Variants in MGAT5B observed in about 807,000 individuals in gnomAD.
MGAT5B encodes N-acetylglucosaminyl-transferase Vb.
In MGAT5B, 54 loss-of-function variants were observed where a neutral mutation model predicts 95.1. That is an observed-to-expected ratio of 0.57 (90% CI 0.46 to 0.71). The LOEUF is 0.71. MGAT5B is among the 30% of genes least tolerant of loss of function. The probability of loss-of-function intolerance (pLI) is 0.00; values close to 1 mark genes in which losing one functional copy is unlikely to be tolerated. For synonymous variants in MGAT5B, 464 were observed against 451.0 expected, an observed-to-expected ratio of 1.03 and a Z score of -0.36; for missense variants, 935 against 1,088.6, an observed-to-expected ratio of 0.86 and a Z score of 1.99.
chr17:76,931,990 T>C (rs569774643), intron 10 of MGAT5B, among the ~76,000 whole-genome samples: 112 of 152,162 alleles, frequency 7.4e-4, no homozygotes, highest in Non-Finnish European at 1.2e-3. Flanking sequence ...CTGCTGCTAC[T>C]GCTGGTGGTG....
At position 76,930,117 on chromosome 17, in the gene MGAT5B, C is replaced by G. The variant is rs1382594147; in HGVS notation, c.1292-2528C>G. Among the ~76,000 whole-genome samples, 1 of 152,118 alleles carries G rather than the reference C, an allele frequency of 6.6e-6. No homozygotes were observed. The highest frequency in any genetic ancestry group is 1.9e-4 in the East Asian group (1 of 5,174). ...GGGAGAGCTGTCCTGACCCTGACCA[C>G]CCACAGAAAGAACTCCAGGCTTCCA... On this transcript the variant is annotated intron_variant, in intron 10 of 17. Coordinates refer to ENST00000569840, the MANE Select transcript of MGAT5B (RefSeq NM_001199172.2). The surrounding 1 kb of genome is among the most constrained non-coding windows in gnomAD (Gnocchi z 4.1).
intron 9 of MGAT5B, among the ~76,000 whole-genome samples, chr17:76,925,759 A>G (rs1214728756): frequency 6.6e-6 from 1 of 152,150 alleles, no homozygotes; most frequent in Non-Finnish European, 1.5e-5. Flanking sequence ...TGCCAACCTC[A>G]GCACTCTGCA....
At chr17:76,901,324 T>C (rs922062048) in intron 3 of MGAT5B, among the ~76,000 whole-genome samples, 1 of 151,094 alleles carries the variant, frequency 6.6e-6, no homozygotes, top group African/African-American at 2.4e-5. Flanking sequence ...GTACCTTGTA[T>C]AGGGATAAAC....
chr17:76,878,573 C>T (rs949875870), intron 2 of MGAT5B, among the ~76,000 whole-genome samples: 3 of 152,094 alleles, frequency 2.0e-5, no homozygotes, highest in Admixed American at 1.3e-4. Flanking sequence ...CTCATGGGCT[C>T]CAGCAATCCT....
chr17:76,885,263 C>T (rs1967582685), intron 3 of MGAT5B, among the ~76,000 whole-genome samples: 1 of 152,154 alleles, frequency 6.6e-6, no homozygotes, highest in Non-Finnish European at 1.5e-5. Flanking sequence ...CAGCCCCTGC[C>T]CCCCAGCTCC....
chr17:76,892,464 A>C lies in MGAT5B; in HGVS notation c.330-10091A>C, dbSNP rs1967909327. ...AACTGGCAGAGCCTGTGTGGAGAGG[A>C]GAAGGCGACCTCAGGCTGGTCCTGG... is the stretch of plus-strand genomic sequence containing the variant. On this transcript the variant is annotated intron_variant, in intron 3 of 17. Coordinates refer to ENST00000569840, the MANE Select transcript of MGAT5B (RefSeq NM_001199172.2). 2.0e-5 allele frequency among the ~76,000 whole-genome samples: 3 copies of C among 152,246 alleles called. No homozygotes were observed. In the South Asian group the frequency reaches 6.2e-4, roughly 31 times the overall value.
At chr17:76,943,048 C>A (rs1210994368) in intron 15 of MGAT5B, among the ~76,000 whole-genome samples, 2 of 148,810 alleles carry the variant, frequency 1.3e-5, no homozygotes, top group Non-Finnish European at 3.0e-5. Context: ...CCCCGGGAGG[C>A]CCAGAAAGCG....
chr17:76,948,152 G>A, intron 17 of MGAT5B, 66 bp downstream of exon 17: 2 of 1,523,096 alleles, frequency 1.3e-6, no homozygotes, highest in South Asian at 1.3e-5. Flanking sequence ...TTCACTGAGA[G>A]CTCTCATGCC....
chr17:76,932,359 C>T (rs1263551431), intron 10 of MGAT5B, among the ~76,000 whole-genome samples: 1 of 152,006 alleles, frequency 6.6e-6, no homozygotes, highest in Admixed American at 6.5e-5. Flanking sequence ...GTCTCAAACT[C>T]CTGGGCTCAA....
chr17:76,878,407 C>G (rs1008794312), intron 2 of MGAT5B, among the ~76,000 whole-genome samples: 2 of 152,166 alleles, frequency 1.3e-5, no homozygotes, highest in Non-Finnish European at 2.9e-5. Context: ...GAAGGGGCAT[C>G]TGGTTCCGCA....
intron 8 of MGAT5B, chr17:76,924,040 T>G (rs942123426): frequency 6.6e-6 from 1 of 151,920 alleles, no homozygotes; most frequent in Admixed American, 6.6e-5. Flanking sequence ...GGCTGTGGAG[T>G]TGGAATAAGC....
intron 3 of MGAT5B, among the ~76,000 whole-genome samples, chr17:76,888,818 T>A (rs1568169930): frequency 6.6e-6 from 1 of 151,938 alleles, no homozygotes; most frequent in Non-Finnish European, 1.5e-5. Flanking sequence ...GCCGCGTTGG[T>A]GGTATAGTGG....
chr17:76,906,069 C>T lies in MGAT5B; in HGVS notation c.907C>T (p.Pro303Ser). 1 of 1,609,310 alleles carries T rather than the reference C, an allele frequency of 6.2e-7. No homozygotes were observed. The highest frequency in any genetic ancestry group is 8.5e-7 in the Non-Finnish European group (1 of 1,177,958). The stretch of plus-strand genomic sequence containing the variant: ...GGAGGAGTCCGGGGACGTGTTCAGC[C>T]CTCGGGTCCTGAAGGGCGGGCCCCT... ...LTEESGDVFS[P>S]RVLKGGPLGE... is the part of the protein sequence containing the mutation. The change falls in exon 8 of 18, where the codon CCT becomes TCT. Residue 303 changes from proline to serine, a missense_variant. Physicochemically the swap from Pro to Ser is moderately conservative, Grantham distance 74 (BLOSUM62 -1). This residue lies in a region of MGAT5B where 243 missense variants were observed against 305.5 expected (regional missense o/e 0.80). Coordinates refer to ENST00000569840, the MANE Select transcript of MGAT5B (RefSeq NM_001199172.2). The surrounding 1 kb of genome is among the most constrained non-coding windows in gnomAD (Gnocchi z 4.6).
intron 8 of MGAT5B, among the ~76,000 whole-genome samples, chr17:76,913,135 G>A (rs892002709): frequency 2.6e-5 from 4 of 152,340 alleles, no homozygotes; most frequent in Non-Finnish European, 5.9e-5. Flanking sequence ...ACTCCTGGCT[G>A]TCAAGCATGC....
Position 76,949,019 on chromosome 17 carries a change from T to C in MGAT5B, c.*181T>C. Reference sequence around the variant, plus strand: ...TGCCCGGGAATAGGAGGAGGCAGCATGCCGAGCCCCTGGGACCTCCCAGGC... The same window carrying C: ...TGCCCGGGAATAGGAGGAGGCAGCACGCCGAGCCCCTGGGACCTCCCAGGC... On this transcript the variant is annotated 3_prime_UTR_variant, in exon 18 of 18. Coordinates refer to ENST00000569840, the MANE Select transcript of MGAT5B (RefSeq NM_001199172.2). 2.7e-6 allele frequency: 2 copies of C among 735,236 alleles called. No homozygotes were observed. Among genetic ancestry groups the C allele is most frequent in the South Asian group, 3.8e-5 (2 of 52,776 alleles). 45.5% of individuals were successfully genotyped at this position (735,236 alleles called of 1,614,324 possible).
intron 15 of MGAT5B, among the ~76,000 whole-genome samples, chr17:76,942,829 CTT>C (rs1969903892): frequency 6.6e-6 from 1 of 152,228 alleles, no homozygotes; most frequent in Non-Finnish European, 1.5e-5. Context: ...TCTTCTCCCA[CTT>C]CTCCACCCAC....
chr17:76,903,485 C>T lies in MGAT5B; in HGVS notation c.519+109C>T. The T allele has an allele frequency of 5.4e-6, 4 of 746,414 alleles. No homozygotes were observed. The South Asian group carries it at 8.5e-5, about 16-fold the overall frequency. 46.2% of individuals were successfully genotyped at this position (746,414 alleles called of 1,614,324 possible). ...GCAGAGGCCAACCTCAGGGAAACAG[C>T]TTCTCTGCTCAGTGCATCCACCCCA... On this transcript the variant is annotated intron_variant, in intron 5 of 17. Transcript: ENST00000569840.
chr17:76,910,996 A>C (rs1047335606), intron 8 of MGAT5B, among the ~76,000 whole-genome samples: 2 of 152,256 alleles, frequency 1.3e-5, no homozygotes, highest in African/African-American at 4.8e-5. Flanking sequence ...AGAATTCCCC[A>C]GTTATGCCTA....
intron 3 of MGAT5B, among the ~76,000 whole-genome samples, chr17:76,890,531 T>C (rs1431808704): frequency 6.6e-6 from 1 of 152,084 alleles, no homozygotes; most frequent in Non-Finnish European, 1.5e-5. Context: ...TGAGACAGGG[T>C]CTCCCTCTGT....
Sources: allele counts gnomAD v4.1 joint callset (sites outside exome capture counted in the v4.1 genomes callset), GRCh38; gene constraint gnomAD v4.1.1; regional missense constraint gnomAD v4.1.1; non-coding constraint Gnocchi (gnomAD v3.1); transcripts MANE v1.5; gene names NCBI Gene and HGNC (gene_info 2026-07-23, HGNC 2026-07-21).